The following ELL2 variants were observed in gnomAD, a reference collection of about 807,000 sequenced individuals.
The protein encoded by ELL2 is elongation factor for RNA polymerase II 2.
In ELL2, 21 loss-of-function variants were observed where a neutral mutation model predicts 72.8. The observed-to-expected ratio is 0.29, with a 90% CI of 0.20 to 0.42. The LOEUF (loss-of-function observed/expected upper bound fraction) is 0.42. ELL2 is among the 10% of genes least tolerant of loss of function. ELL2 has a pLI of 1.00. For missense variants in ELL2, 568 were observed against 772.8 expected, an observed-to-expected ratio of 0.73 and a Z score of 3.14; for synonymous variants, 266 against 283.2, an observed-to-expected ratio of 0.94 and a Z score of 0.61.
intron 1 of ELL2, among the ~76,000 whole-genome samples, chr5:95,950,898 G>GTATGTGTATATATATA (rs1490902269): frequency 3.4e-5 from 1 of 29,284 alleles, no homozygotes; most frequent in Non-Finnish European, 5.7e-5. Flanking sequence ...ATGTATGTAT[G>GTATGTGTATATATATA]TATGTGTATA....
intron 1 of ELL2, among the ~76,000 whole-genome samples, chr5:95,949,924 T>C (rs956904602): frequency 6.6e-6 from 1 of 152,198 alleles, no homozygotes; most frequent in Non-Finnish European, 1.5e-5. Context: ...GTGGGGTAGA[T>C]ACTATTATTC....
rs1041413978 is a variant in ELL2, at chr5:95,885,824, A to G, written c.*3047T>C. On this transcript the variant is annotated 3_prime_UTR_variant, in exon 12 of 12. Transcript: ENST00000237853. The stretch of plus-strand genomic sequence containing the variant: ...TGACCATAACAATTTTGTGAGAACA[A>G]GTATAAAACTATCCATTACTACCTT... 1.3e-5 allele frequency: 2 copies of G among 152,272 alleles called. No individual in the cohort carries two copies. The highest frequency in any genetic ancestry group is 2.4e-5 in the African/African-American group (1 of 41,472). The allele number at this position is 152,272 out of a possible 1,614,324, so 9.4% of individuals were successfully genotyped here.
intron 2 of ELL2, among the ~76,000 whole-genome samples, chr5:95,920,823 C>G (rs1750042245): frequency 1.3e-5 from 2 of 152,202 alleles, no homozygotes; most frequent in Admixed American, 1.3e-4. Flanking sequence ...CCCAAACATA[C>G]AGTCTTAGTA....
chr5:95,930,921 T>C (rs1750575771), intron 2 of ELL2, among the ~76,000 whole-genome samples: 1 of 152,070 alleles, frequency 6.6e-6, no homozygotes, highest in Admixed American at 6.5e-5. Context: ...TTTTTTTTTA[T>C]GAGAATTGGT....
intron 2 of ELL2, among the ~76,000 whole-genome samples, chr5:95,934,387 C>A (rs1268172469): frequency 6.6e-6 from 1 of 152,094 alleles, no homozygotes; most frequent in Non-Finnish European, 1.5e-5. Context: ...TTACCCTAAG[C>A]CCCCTAAGAA....
At chr5:95,900,578 G>T in intron 7 of ELL2, 115 bp downstream of exon 7, 4 of 750,626 alleles carry the variant, frequency 5.3e-6, no homozygotes, top group Non-Finnish European at 6.1e-6. Flanking sequence ...ATGGCTTTGG[G>T]CAGGCAAGCT....
intron 2 of ELL2, among the ~76,000 whole-genome samples, chr5:95,919,805 A>G (rs1561500667): frequency 6.6e-6 from 1 of 152,204 alleles, no homozygotes; most frequent in Non-Finnish European, 1.5e-5. Context: ...TTAGTTTATA[A>G]GAGGAACCCT....
chr5:95,941,308 A>G (rs956547181), intron 2 of ELL2, among the ~76,000 whole-genome samples: 14 of 152,242 alleles, frequency 9.2e-5, no homozygotes, highest in African/African-American at 3.4e-4. Flanking sequence ...GCAGGCAAAG[A>G]TAAACTGAGG....
chr5:95,954,806 C>A (rs1341849833), intron 1 of ELL2, among the ~76,000 whole-genome samples: 2 of 151,972 alleles, frequency 1.3e-5, no homozygotes, highest in Non-Finnish European at 2.9e-5. Context: ...CTAGGGTGGA[C>A]TCCAGTTATC....
At position 95,885,925 on chromosome 5, in the gene ELL2, A is replaced by G. The variant is rs936117244; in HGVS notation, c.*2946T>C. On this transcript the variant is annotated 3_prime_UTR_variant, in exon 12 of 12. Coordinates refer to ENST00000237853, the MANE Select transcript of ELL2 (RefSeq NM_012081.6). ...AAGGTAGGAAATGCAATACCTATAT[A>G]TTTTAAAAAGCCCACATCTAGTTAA... The G allele has an allele frequency of 3.3e-5, 5 of 152,216 alleles. No homozygotes were observed. Among genetic ancestry groups the G allele is most frequent in the Non-Finnish European group, 2.9e-5 (2 of 68,016 alleles). 9.4% of individuals were successfully genotyped at this position (152,216 alleles called of 1,614,324 possible).
Position 95,934,828 on chromosome 5 carries a change from T to A in ELL2, c.195+8174A>T, listed in dbSNP as rs1035190221. On this transcript the variant is annotated intron_variant, in intron 2 of 11. Transcript: ENST00000237853. The stretch of plus-strand genomic sequence containing the variant: ...TCTCCAAAAATTTCTTTTATGTTTC[T>A]CGAACAATTAGGAAATACAGATTTA... Among the ~76,000 whole-genome samples, 8 of 152,330 alleles carry A rather than the reference T, an allele frequency of 5.3e-5. No individual in the cohort carries two copies. The East Asian group carries it at 1.5e-3, about 29-fold the overall frequency.
chr5:95,936,534 G>A lies in ELL2; in HGVS notation c.195+6468C>T, dbSNP rs1750779165. Among the ~76,000 whole-genome samples the A allele has an allele frequency of 1.3e-5, 2 of 152,146 alleles. 1 individual carries two copies. Among genetic ancestry groups the A allele is most frequent in the South Asian group, 4.1e-4 (2 of 4,832 alleles). ...GTGGTAGATCACCCCTGTAATCCCAGCACTTTGAGAGGCTGAGGCGGGAGG... is the reference window on the plus strand; with the variant it reads ...GTGGTAGATCACCCCTGTAATCCCAACACTTTGAGAGGCTGAGGCGGGAGG... On this transcript the variant is annotated intron_variant, in intron 2 of 11. Coordinates refer to ENST00000237853, the MANE Select transcript of ELL2 (RefSeq NM_012081.6).
chr5:95,946,142 G>A (rs1473505953), intron 1 of ELL2, among the ~76,000 whole-genome samples: 2 of 152,182 alleles, frequency 1.3e-5, no homozygotes, highest in Non-Finnish European at 2.9e-5. Flanking sequence ...AAAATAGATG[G>A]AGAGAGATGG....
At chr5:95,947,875 GT>G (rs61499032) in intron 1 of ELL2, among the ~76,000 whole-genome samples, 61,859 of 151,398 alleles carry the variant, frequency 0.41, 15,543 homozygotes, top group East Asian at 0.83. Flanking sequence ...GAAAAAAATA[GT>G]TTTTTTTTCC....
At position 95,900,924 on chromosome 5, in the gene ELL2, AT is replaced by A. The variant is rs745448319; in HGVS notation, c.866+31del. On this transcript the variant is annotated intron_variant, in intron 6 of 11. Coordinates refer to ENST00000237853, the MANE Select transcript of ELL2 (RefSeq NM_012081.6). ...TTATTTCCATAATTTTTAAAGAAAC[AT>A]TTTTTTAAAAGCAAGAAAAAAAGAA... The A allele has an allele frequency of 2.7e-5, 42 of 1,577,080 alleles. No homozygotes were observed. The African/African-American group carries it at 5.5e-4, about 21-fold the overall frequency.
At chr5:95,956,662 A>G (rs529815094) in intron 1 of ELL2, among the ~76,000 whole-genome samples, 2 of 152,348 alleles carry the variant, frequency 1.3e-5, no homozygotes, top group South Asian at 4.1e-4. Flanking sequence ...GTCTTAAACT[A>G]TAATGAATCA....
chr5:95,902,012 C>G (rs1046297600), intron 5 of ELL2, among the ~76,000 whole-genome samples: 2 of 152,206 alleles, frequency 1.3e-5, no homozygotes, highest in African/African-American at 2.4e-5. Context: ...CCATAGGTAA[C>G]TGAAACCCCA....
At chr5:95,919,645 G>A in intron 2 of ELL2, 100 bp from the exon 3 acceptor site, 1 of 1,397,542 alleles carries the variant, frequency 7.2e-7, no homozygotes, top group Non-Finnish European at 9.5e-7. Flanking sequence ...AATCATTTTA[G>A]ACCTAAGCCC....
At chr5:95,915,760 ACTAAT>A (rs1428467106) in intron 3 of ELL2, among the ~76,000 whole-genome samples, 3 of 152,182 alleles carry the variant, frequency 2.0e-5, no homozygotes, top group Non-Finnish European at 4.4e-5. Flanking sequence ...AGGGAGGACA[ACTAAT>A]CTGTGCAGGG....
Sources: gnomAD v4.1 joint callset for allele counts (sites outside exome capture counted in the v4.1 genomes callset) on GRCh38, gnomAD v4.1.1 for gene constraint, MANE v1.5 for transcripts, NCBI Gene and HGNC (gene_info 2026-07-23, HGNC 2026-07-21) for gene names.